Variants in AEBP2 observed in about 807,000 individuals in gnomAD.
AEBP2 encodes zinc finger protein AEBP2.
In AEBP2, 10 loss-of-function variants were observed where a neutral mutation model predicts 50.8. The ratio of observed to expected loss-of-function variants is 0.20; its 90% CI spans 0.12 to 0.33. The LOEUF (loss-of-function observed/expected upper bound fraction) is 0.33, where lower values mean the gene tolerates loss of function less well. AEBP2 is among the 10% of genes least tolerant of loss of function. AEBP2 has a pLI of 1.00. For missense variants in AEBP2, 570 were observed against 688.0 expected (o/e 0.83, Z 1.92); for synonymous variants, 296 against 261.3 (o/e 1.13, Z -1.28).
At chr12:19,478,951 G>A (rs1948688872) in intron 3 of AEBP2, among the ~76,000 whole-genome samples, 2 of 152,136 alleles carry the variant, frequency 1.3e-5, no homozygotes, top group African/African-American at 4.8e-5. Flanking sequence ...GCCAGGCATG[G>A]TAGGTCTCGC....
intron 5 of AEBP2, among the ~76,000 whole-genome samples, chr12:19,509,513 A>T (rs2120581238): frequency 6.6e-6 from 1 of 152,284 alleles, no homozygotes; most frequent in South Asian, 2.1e-4. Context: ...TGGGAGGCTG[A>T]GGTAGGCAGA....
At chr12:19,461,264 G>A (rs1948373180) in intron 1 of AEBP2, among the ~76,000 whole-genome samples, 1 of 152,110 alleles carries the variant, frequency 6.6e-6, no homozygotes, top group Non-Finnish European at 1.5e-5. Context: ...TATGATTGAA[G>A]TGACTTTCAT....
Position 19,428,506 on chromosome 12 carries a change from G to C in AEBP2, c.-17+24290G>C, listed in dbSNP as rs554349767. On this transcript the variant is annotated intron_variant, in intron 1 of 3. Transcript: ENST00000538425. Reference sequence around the variant, plus strand: ...TAGGGAGGAGGAAGGAGGATTAGCAGGTTCTGCAAAAACAGAAACAAAAGG... The same window carrying C: ...TAGGGAGGAGGAAGGAGGATTAGCACGTTCTGCAAAAACAGAAACAAAAGG... Among the ~76,000 whole-genome samples the C allele has an allele frequency of 2.2e-4, 33 of 152,312 alleles. No homozygotes were observed. The South Asian group carries it at 6.6e-3, about 31-fold the overall frequency.
chr12:19,504,379 CG>C (rs1949124987), intron 5 of AEBP2, among the ~76,000 whole-genome samples: 1 of 87,700 alleles, frequency 1.1e-5, no homozygotes, highest in African/African-American at 3.7e-5. Context: ...GGAATACAGG[CG>C]CCCCCCCCAC....
intron 1 of AEBP2, chr12:19,413,556 T>G (rs1376453067): frequency 1.6e-5 from 11 of 666,904 alleles, no homozygotes; most frequent in Non-Finnish European, 2.7e-5. Context: ...TCTATATGCC[T>G]TTTAAAAAAT....
chr12:19,515,070 T>C (rs1346164945), intron 7 of AEBP2, among the ~76,000 whole-genome samples: 1 of 152,238 alleles, frequency 6.6e-6, no homozygotes, highest in Non-Finnish European at 1.5e-5. Flanking sequence ...AAGTGCCCTT[T>C]AACAAGGTAA....
intron 3 of AEBP2, among the ~76,000 whole-genome samples, chr12:19,485,542 A>G (rs1233335697): frequency 6.6e-6 from 1 of 151,852 alleles, no homozygotes; most frequent in African/African-American, 2.4e-5. Flanking sequence ...CCCTGTCTGT[A>G]CAAAAAAAAT....
In AEBP2 at chr12:19,468,221, C is replaced by A. The variant is rs185758269; in HGVS notation, c.880-5027C>A. Among the ~76,000 whole-genome samples, 158 of 150,716 alleles carry A rather than the reference C, an allele frequency of 1.0e-3. 1 individual carries two copies. Among genetic ancestry groups the A allele is most frequent in the African/African-American group, 3.8e-3 (155 of 41,112 alleles). Reference sequence around the variant, plus strand: ...GCTAGTCTTACTATGTTGTCCAGCTCCTGGGCTTAAGCAGTGCTCCCATCT... The same window carrying A: ...GCTAGTCTTACTATGTTGTCCAGCTACTGGGCTTAAGCAGTGCTCCCATCT... On this transcript the variant is annotated intron_variant, in intron 2 of 7. Coordinates refer to ENST00000266508, the MANE Select transcript of AEBP2 (RefSeq NM_153207.5).
chr12:19,471,911 A>G (rs750255903), intron 2 of AEBP2, among the ~76,000 whole-genome samples: 26 of 152,092 alleles, frequency 1.7e-4, no homozygotes, highest in Non-Finnish European at 3.2e-4. Flanking sequence ...AACCTTGGCC[A>G]TTAGTTTATA....
In AEBP2 at chr12:19,488,163, G is replaced by A. The variant is rs1279393712; in HGVS notation, c.988-5637G>A. Among the ~76,000 whole-genome samples the A allele has an allele frequency of 3.5e-5, 5 of 141,880 alleles. No individual in the cohort carries two copies. In the East Asian group the frequency reaches 1.0e-3, roughly 29 times the overall value. The allele number at this position is 141,880 out of a possible 152,430, so 93.1% of individuals were successfully genotyped here. A position where few individuals can be genotyped will look rare whatever the true frequency, so the allele number is the denominator to read the frequency against. ...TTTTGAGGCGTAGTTTTGTTCTGTT[G>A]CCCAGGCTAGAGTGCAGTGGTATAG... On this transcript the variant is annotated intron_variant, in intron 3 of 7. Transcript: ENST00000266508.
intron 1 of AEBP2, among the ~76,000 whole-genome samples, chr12:19,418,362 C>T (rs1185310235): frequency 2.0e-5 from 3 of 147,614 alleles, no homozygotes; most frequent in Admixed American, 6.7e-5. Flanking sequence ...GTACCTGGGA[C>T]TACAGGTGCA....
At position 19,518,984 on chromosome 12, in the gene AEBP2, T is replaced by G. The variant is rs1949360839; in HGVS notation, c.*867T>G. ...GGAAATCATTTGGTTTTTGAGTTGT[T>G]TTTTCTTAATGTAAGAAAAATTGTA... On this transcript the variant is annotated 3_prime_UTR_variant, in exon 8 of 8. Transcript: ENST00000266508. The G allele has an allele frequency of 4.3e-6, 1 of 235,200 alleles. No homozygotes were observed. Among genetic ancestry groups the G allele is most frequent in the South Asian group, 1.8e-4 (1 of 5,604 alleles). 14.6% of individuals were successfully genotyped at this position (235,200 alleles called of 1,614,324 possible). A position where few individuals can be genotyped will look rare whatever the true frequency, so the allele number is the denominator to read the frequency against.
intron 1 of AEBP2, among the ~76,000 whole-genome samples, chr12:19,424,760 C>T (rs912191490): frequency 2.0e-5 from 3 of 152,050 alleles, no homozygotes; most frequent in Non-Finnish European, 2.9e-5. Flanking sequence ...ACAATCCCAG[C>T]ACTTTGGGAA....
At chr12:19,450,248 T>C (rs1329636008) in intron 1 of AEBP2, among the ~76,000 whole-genome samples, 1 of 151,944 alleles carries the variant, frequency 6.6e-6, no homozygotes, top group African/African-American at 2.4e-5. Flanking sequence ...TGGAGTTGGA[T>C]TTGATGTTGT....
intron 1 of AEBP2, among the ~76,000 whole-genome samples, chr12:19,410,024 T>C (rs894406533): frequency 6.6e-6 from 1 of 152,122 alleles, no homozygotes; most frequent in Non-Finnish European, 1.5e-5. Flanking sequence ...CATAGCTTTT[T>C]TGTGTAGTAG....
intron 1 of AEBP2, among the ~76,000 whole-genome samples, chr12:19,415,570 T>G (rs2095742066): frequency 6.6e-6 from 1 of 151,212 alleles, no homozygotes; most frequent in African/African-American, 2.4e-5. Flanking sequence ...AAATCAGATT[T>G]TTTTGTCAAA....
upstream of AEBP2, among the ~76,000 whole-genome samples, chr12:19,439,417 C>A (rs1461004821): frequency 7.4e-6 from 1 of 135,066 alleles, no homozygotes; most frequent in South Asian, 2.6e-4. Context: ...GCGGGGCGGG[C>A]GCCGGGCGGG....
At chr12:19,461,303 A>G (rs1936683226) in intron 1 of AEBP2, among the ~76,000 whole-genome samples, 1 of 152,182 alleles carries the variant, frequency 6.6e-6, no homozygotes, top group African/African-American at 2.4e-5. Context: ...AGATTTTGAA[A>G]AAAGAAAATA....
chr12:19,513,516 G>T (rs1013399977), intron 6 of AEBP2, among the ~76,000 whole-genome samples: 63 of 152,300 alleles, frequency 4.1e-4, no homozygotes, highest in African/African-American at 1.5e-3. Flanking sequence ...CCAGTGCTTT[G>T]TGAGGCTGAG....
Sources: gnomAD v4.1 joint callset for allele counts (sites outside exome capture counted in the v4.1 genomes callset) on GRCh38, gnomAD v4.1.1 for gene constraint, MANE v1.5 for transcripts, NCBI Gene and HGNC (gene_info 2026-07-23, HGNC 2026-07-21) for gene names.